Variants in ITPK1 observed in about 807,000 individuals in gnomAD.
ITPK1 encodes inositol 1,3,4-trisphosphate 5/6-kinase.
In ITPK1, 21 loss-of-function variants were observed where a neutral mutation model predicts 45.3. That is an observed-to-expected ratio of 0.46 (90% CI 0.33 to 0.67). ITPK1 has a LOEUF of 0.67. ITPK1 is among the 30% of genes least tolerant of loss of function. ITPK1 has a pLI of 0.02. For missense variants in ITPK1, 474 were observed against 573.5 expected, an observed-to-expected ratio of 0.83 and a Z score of 1.77; for synonymous variants, 258 against 253.6, an observed-to-expected ratio of 1.02 and a Z score of -0.16.
At chr14:92,955,540 C>T (rs1330586422) in intron 8 of ITPK1, among the ~76,000 whole-genome samples, 1 of 152,182 alleles carries the variant, frequency 6.6e-6, no homozygotes, top group Admixed American at 6.5e-5. Flanking sequence ...TCTGTGAATG[C>T]GAACCACAGG....
intron 2 of ITPK1, among the ~76,000 whole-genome samples, chr14:93,110,714 C>T (rs1441729947): frequency 6.6e-6 from 1 of 152,152 alleles, no homozygotes; most frequent in African/African-American, 2.4e-5. Flanking sequence ...CAAAAGGGTC[C>T]CTGGTGGGAT....
rs1189731206 is a variant in ITPK1, at chr14:93,076,854, T to C, written c.96-235A>G. Among the ~76,000 whole-genome samples the C allele has an allele frequency of 3.3e-5, 5 of 152,020 alleles. No homozygotes were observed. The highest frequency in any genetic ancestry group is 6.5e-5 in the Admixed American group (1 of 15,268). ...TGCAGAGGGACTTGCTGGAGTCCTC[T>C]GGAGGCCCCACGCCAGCCACCTCCC... On this transcript the variant is annotated intron_variant, in intron 2 of 10. Coordinates refer to ENST00000267615, the MANE Select transcript of ITPK1 (RefSeq NM_014216.6). The surrounding 1 kb of genome is among the most constrained non-coding windows in gnomAD (Gnocchi z 4.3).
chr14:92,947,922 C>T (rs1206147235), intron 9 of ITPK1, among the ~76,000 whole-genome samples: 2 of 152,200 alleles, frequency 1.3e-5, no homozygotes, highest in African/African-American at 2.4e-5. Context: ...CCCACGCTCA[C>T]CGTGGTGTTA....
At chr14:92,948,695 T>C (rs1057121358) in intron 9 of ITPK1, among the ~76,000 whole-genome samples, 7 of 151,094 alleles carry the variant, frequency 4.6e-5, no homozygotes, top group Admixed American at 2.6e-4. Flanking sequence ...GACAGAGCCC[T>C]GGTCACCAAG....
chr14:93,010,455 C>T (rs1887834027), intron 4 of ITPK1, among the ~76,000 whole-genome samples: 1 of 152,212 alleles, frequency 6.6e-6, no homozygotes, highest in Non-Finnish European at 1.5e-5. Flanking sequence ...TGTTCTGTGC[C>T]ATCCTGCACC....
intron 3 of ITPK1, among the ~76,000 whole-genome samples, chr14:93,041,089 G>A (rs1889545095): frequency 6.6e-6 from 1 of 152,150 alleles, no homozygotes; most frequent in Non-Finnish European, 1.5e-5. Context: ...CTAATCCCCT[G>A]TCAGGAGGGG....
intron 3 of ITPK1, among the ~76,000 whole-genome samples, chr14:93,039,701 G>A (rs1019197986): frequency 2.6e-5 from 4 of 152,216 alleles, no homozygotes; most frequent in South Asian, 2.1e-4. Context: ...GTGATAAGTC[G>A]CTGAGGCCGT....
At chr14:93,088,789 G>A (rs8022791) in intron 2 of ITPK1, among the ~76,000 whole-genome samples, 10,117 of 152,180 alleles carry the variant, frequency 0.066, 1,104 homozygotes, top group African/African-American at 0.23. Flanking sequence ...GAGCCACCGC[G>A]CCTGGCCTGT....
At position 92,941,809 on chromosome 14, in the gene ITPK1, C is replaced by T. The variant is rs766027939; in HGVS notation, c.997G>A (p.Val333Met). ...AGCTTGCTGTGCCTCAGCAGGGCCA[C>T]GTCCCCTGTGGCTGCCATGGCTGTG... The part of the protein sequence containing the change: ...QSTAMAATGD[V>M]ALLRHSKLLA... The change falls in exon 11 of 11, where the codon GTG becomes ATG. Residue 333 changes from valine (V) to methionine (M), a missense_variant. By Grantham distance (21) the Val-to-Met change is conservative. Transcript: ENST00000267615. 2.6e-5 allele frequency: 42 copies of T among 1,611,598 alleles called. No individual in the cohort carries two copies. Among genetic ancestry groups the T allele is most frequent in the South Asian group, 5.5e-5 (5 of 90,898 alleles).
intron 3 of ITPK1, among the ~76,000 whole-genome samples, chr14:93,072,630 T>C (rs1891063281): frequency 6.6e-6 from 1 of 151,502 alleles, no homozygotes. Flanking sequence ...TTTTTTTTTT[T>C]TTGAGACAGT....
At position 92,958,867 on chromosome 14, in the gene ITPK1, C is replaced by T. The variant is rs1884896266; in HGVS notation, c.505-501G>A. ...GACAAGCCGGGCCCTGTTCTGAGCA[C>T]GTACACCAGTTACCTAGTGTCTCCC... On this transcript the variant is annotated intron_variant, in intron 7 of 10. Transcript: ENST00000267615. The surrounding 1 kb of genome is among the most constrained non-coding windows in gnomAD (Gnocchi z 4.4). Among the ~76,000 whole-genome samples, 1 of 152,160 alleles carries T rather than the reference C, an allele frequency of 6.6e-6. No individual in the cohort carries two copies. Among genetic ancestry groups the T allele is most frequent in the Non-Finnish European group, 1.5e-5 (1 of 68,030 alleles).
intron 9 of ITPK1, among the ~76,000 whole-genome samples, chr14:92,948,047 G>A (rs1306230660): frequency 1.3e-5 from 2 of 152,220 alleles, no homozygotes; most frequent in Non-Finnish European, 2.9e-5. Flanking sequence ...CCACAAAGCG[G>A]AGGAACCCTG....
intron 3 of ITPK1, chr14:93,068,215 C>T (rs1890839431): frequency 6.6e-6 from 1 of 152,212 alleles, no homozygotes; most frequent in Admixed American, 6.5e-5. Context: ...GGAAAAGATC[C>T]ACAGCCAGGA....
chr14:93,083,116 G>C (rs1019371343), intron 2 of ITPK1, among the ~76,000 whole-genome samples: 1 of 152,220 alleles, frequency 6.6e-6, no homozygotes, highest in Admixed American at 6.5e-5. Context: ...CAGGGCAGAA[G>C]TAGAAAAGAG....
intron 8 of ITPK1, among the ~76,000 whole-genome samples, chr14:92,957,682 C>T (rs1884815682): frequency 6.6e-6 from 1 of 152,226 alleles, no homozygotes; most frequent in Admixed American, 6.5e-5. Context: ...CTAAGAAGAC[C>T]TGTAACCCGG....
chr14:92,965,725 C>G (rs543952046), intron 5 of ITPK1, among the ~76,000 whole-genome samples: 7 of 152,320 alleles, frequency 4.6e-5, no homozygotes, highest in African/African-American at 1.4e-4. Context: ...ATTTATGGGT[C>G]TGGCATGGTG....
intron 9 of ITPK1, among the ~76,000 whole-genome samples, chr14:92,951,424 G>A (rs145216521): frequency 3.9e-5 from 6 of 152,224 alleles, no homozygotes; most frequent in East Asian, 1.9e-4. Context: ...ACCTGATTGC[G>A]ACCCGCACTG....
intron 5 of ITPK1, among the ~76,000 whole-genome samples, chr14:92,964,750 C>G (rs1311294221): frequency 6.6e-6 from 1 of 152,156 alleles, no homozygotes; most frequent in Admixed American, 6.5e-5. Flanking sequence ...TCCCTGTGGC[C>G]CCCCGGAGTT....
chr14:93,106,092 G>A (rs909164403), intron 2 of ITPK1, among the ~76,000 whole-genome samples: 6 of 152,148 alleles, frequency 3.9e-5, no homozygotes, highest in Admixed American at 2.6e-4. Flanking sequence ...GGTCAGGCGC[G>A]GCTTCCCTCG....
Sources: gnomAD v4.1 joint callset for allele counts (sites outside exome capture counted in the v4.1 genomes callset) on GRCh38, gnomAD v4.1.1 for gene constraint, Gnocchi (gnomAD v3.1) non-coding constraint, MANE v1.5 for transcripts, NCBI Gene and HGNC (gene_info 2026-07-23, HGNC 2026-07-21) for gene names.